Variants in RBM27 observed in about 807,000 individuals in gnomAD.
The protein encoded by RBM27 is RNA binding motif protein 27.
RBM27 carries 22 observed loss-of-function variants against 135.3 expected under a neutral mutation model. That is an observed-to-expected ratio of 0.16 (90% CI 0.12 to 0.23). RBM27 has a LOEUF of 0.23. Among genes scored for constraint, RBM27 ranks in the 10% least tolerant of loss-of-function variants. The pLI is 1.00. For missense variants in RBM27, 1,009 were observed against 1,281.0 expected (o/e 0.79, Z 3.24); for synonymous variants, 481 against 442.4 (o/e 1.09, Z -1.10).
In RBM27 at chr5:146,273,101, C is replaced by T. The variant is rs142685862; in HGVS notation, c.2988+1427C>T. ...AAATCTCTTTGCCAAATAAATTGGT[C>T]TTGTAGAACCAGTACCAGTTCTGGT... On this transcript the variant is annotated intron_variant, in intron 19 of 20. Coordinates refer to ENST00000265271, the MANE Select transcript of RBM27 (RefSeq NM_018989.2). Among the ~76,000 whole-genome samples, 346 of 152,228 alleles carry T rather than the reference C, an allele frequency of 2.3e-3. 1 individual carries two copies. Among genetic ancestry groups the T allele is most frequent in the African/African-American group, 7.9e-3 (329 of 41,546 alleles).
At chr5:146,233,800 C>A in intron 7 of RBM27, 57 bp downstream of exon 7, 1 of 1,237,622 alleles carries the variant, frequency 8.1e-7, no homozygotes, top group Non-Finnish European at 1.1e-6. Context: ...AACCTCATCC[C>A]TTTTAGCTAA....
rs1431045102 is a variant in RBM27, at chr5:146,232,122, G to T, written c.850+1205G>T. Among the ~76,000 whole-genome samples the T allele has an allele frequency of 3.3e-5, 5 of 152,134 alleles. 1 individual carries two copies. Among genetic ancestry groups the T allele is most frequent in the Admixed American group, 2.6e-4 (4 of 15,264 alleles). ...TGTATCCGTTACATCATTTAAATAG[G>T]CACCAACCCATGGGGAATGTTGTTT... On this transcript the variant is annotated intron_variant, in intron 6 of 20. Coordinates refer to ENST00000265271, the MANE Select transcript of RBM27 (RefSeq NM_018989.2).
intron 8 of RBM27, chr5:146,245,393 A>G (rs1379811268): frequency 1.3e-5 from 2 of 152,150 alleles, no homozygotes; most frequent in African/African-American, 4.8e-5. Flanking sequence ...AATATTTTGT[A>G]ACTGCTAAGT....
At chr5:146,239,419 G>A (rs1486756654) in intron 8 of RBM27, among the ~76,000 whole-genome samples, 1 of 147,838 alleles carries the variant, frequency 6.8e-6, no homozygotes. Context: ...TTCTTTCTGA[G>A]CCATCAGTAA....
Position 146,289,112 on chromosome 5 carries a change from T to C in RBM27, c.*3082T>C, listed in dbSNP as rs1022630201. 6.6e-6 allele frequency: 1 copy of C among 151,568 alleles called. No homozygotes were observed. The highest frequency in any genetic ancestry group is 6.6e-5 in the Admixed American group (1 of 15,200). The allele number at this position is 151,568 out of a possible 1,614,324, so 9.4% of individuals were successfully genotyped here. A position where few individuals can be genotyped will look rare whatever the true frequency, so the allele number is the denominator to read the frequency against. ...GTTGACTTTTGCAATAAAGATGCAA[T>C]ATGGAATGGTTCACAATTGGAAAAA... On this transcript the variant is annotated 3_prime_UTR_variant, in exon 21 of 21. Transcript: ENST00000265271.
intron 9 of RBM27, 116 bp from the exon 10 acceptor site, chr5:146,254,823 AGGTT>A (rs1758039770): frequency 1.2e-6 from 1 of 868,284 alleles, no homozygotes; most frequent in Non-Finnish European, 1.7e-6. Flanking sequence ...AGGTGACTGT[AGGTT>A]GATGTATTTG....
chr5:146,210,807 C>T lies in RBM27; in HGVS notation c.59+6983C>T, dbSNP rs544353660. ...CTAAAAATATAAAAAATTAGCCGGG[C>T]GTGGTGGCGGGCGCCTGTAGTCCCA... On this transcript the variant is annotated intron_variant, in intron 1 of 20. Coordinates refer to ENST00000265271, the MANE Select transcript of RBM27 (RefSeq NM_018989.2). Among the ~76,000 whole-genome samples, 39 of 152,046 alleles carry T rather than the reference C, an allele frequency of 2.6e-4. 1 individual carries two copies. The East Asian group carries it at 3.5e-3, about 14-fold the overall frequency.
intron 5 of RBM27, 137 bp downstream of exon 5, chr5:146,230,047 A>C: frequency 8.9e-6 from 9 of 1,007,582 alleles, no homozygotes; most frequent in Admixed American, 2.8e-5. Flanking sequence ...CAAGAAGCTC[A>C]ATATCCATTT....
intron 1 of RBM27, among the ~76,000 whole-genome samples, chr5:146,218,100 A>G (rs1201515516): frequency 3.9e-5 from 6 of 152,120 alleles, no homozygotes; most frequent in African/African-American, 1.4e-4. Context: ...TGTGAAGGAT[A>G]TGTGTTATTT....
chr5:146,273,739 T>A (rs1324120571), intron 19 of RBM27, among the ~76,000 whole-genome samples: 1 of 152,228 alleles, frequency 6.6e-6, no homozygotes, highest in Non-Finnish European at 1.5e-5. Context: ...ATTCTTCTAT[T>A]CTTAATGATT....
intron 3 of RBM27, among the ~76,000 whole-genome samples, chr5:146,225,351 A>T (rs1472726453): frequency 6.6e-6 from 1 of 152,132 alleles, no homozygotes; most frequent in Non-Finnish European, 1.5e-5. Flanking sequence ...ATCATTTCCG[A>T]TTCATTTTTA....
rs1478916501 is a variant in RBM27, at chr5:146,237,436, A to AGTACAT, written c.1279+7_1279+12dup. On this transcript the variant is annotated splice_donor_region_variant and intron_variant, in intron 8 of 20. Transcript: ENST00000265271. ...CTCCTTTACACAGTATCAGAACGTA[A>AGTACAT]GTACATGTTGTTTGACTTAAAATTG... 1 of 1,613,732 alleles carries AGTACAT rather than the reference A, an allele frequency of 6.2e-7. No individual in the cohort carries two copies. The highest frequency in any genetic ancestry group is 1.3e-5 in the African/African-American group (1 of 74,912).
At chr5:146,216,823 A>G (rs1756214716) in intron 1 of RBM27, among the ~76,000 whole-genome samples, 1 of 152,018 alleles carries the variant, frequency 6.6e-6, no homozygotes, top group Non-Finnish European at 1.5e-5. Flanking sequence ...ATGCCTGGCT[A>G]ATTTTTATAT....
chr5:146,288,821 C>T lies in RBM27; in HGVS notation c.*2791C>T, dbSNP rs1759686201. ...AACATTGAAGAAATGTTGTTACCAG[C>T]TAAGATGATAAATTGGAAAACAGTC... On this transcript the variant is annotated 3_prime_UTR_variant, in exon 21 of 21. Coordinates refer to ENST00000265271, the MANE Select transcript of RBM27 (RefSeq NM_018989.2). 1 of 151,888 alleles carries T rather than the reference C, an allele frequency of 6.6e-6. No homozygotes were observed. The highest frequency in any genetic ancestry group is 6.6e-5 in the Admixed American group (1 of 15,238). The allele number at this position is 151,888 out of a possible 1,614,324, so 9.4% of individuals were successfully genotyped here.
intron 1 of RBM27, among the ~76,000 whole-genome samples, chr5:146,215,172 C>T (rs368670263): frequency 2.0e-5 from 3 of 152,162 alleles, no homozygotes; most frequent in Non-Finnish European, 2.9e-5. Flanking sequence ...GCCTCAGCCA[C>T]CCAAGTAGCT....
Position 146,208,255 on chromosome 5 carries a change from A to G in RBM27, c.59+4431A>G, listed in dbSNP as rs571617415. Reference sequence around the variant, plus strand: ...AGGCGTGAGCCACTGCGCCCGGCCAACAGGAGGTATTTCTAAACCAATCTA... The same window carrying G: ...AGGCGTGAGCCACTGCGCCCGGCCAGCAGGAGGTATTTCTAAACCAATCTA... On this transcript the variant is annotated intron_variant, in intron 1 of 20. Transcript: ENST00000265271. 1.7e-3 allele frequency among the ~76,000 whole-genome samples: 253 copies of G among 152,264 alleles called. 1 individual carries two copies. Among genetic ancestry groups the G allele is most frequent in the Admixed American group, 4.9e-3 (75 of 15,278 alleles).
At chr5:146,251,319 G>T (rs903139952) in intron 8 of RBM27, among the ~76,000 whole-genome samples, 1 of 151,958 alleles carries the variant, frequency 6.6e-6, no homozygotes, top group African/African-American at 2.4e-5. Flanking sequence ...CTTTTTAATG[G>T]ATATGACAGT....
chr5:146,280,057 A>AT (rs58281973), intron 19 of RBM27, among the ~76,000 whole-genome samples: 9,161 of 143,970 alleles, frequency 0.064, 354 homozygotes, highest in African/African-American at 0.11. Flanking sequence ...TATTCCTTTA[A>AT]TTTTTTTTTT....
At chr5:146,273,209 C>T (rs1195462486) in intron 19 of RBM27, among the ~76,000 whole-genome samples, 3 of 152,112 alleles carry the variant, frequency 2.0e-5, no homozygotes, top group Non-Finnish European at 4.4e-5. Flanking sequence ...AATAGTTAAT[C>T]TTACTAGGGA....
Sources: allele counts gnomAD v4.1 joint callset (sites outside exome capture counted in the v4.1 genomes callset), GRCh38; gene constraint gnomAD v4.1.1; transcripts MANE v1.5; gene names NCBI Gene and HGNC (gene_info 2026-07-23, HGNC 2026-07-21).